VAV2: variants seen among roughly 807,000 people sequenced by gnomAD.
The protein encoded by VAV2 is vav guanine nucleotide exchange factor 2.
In VAV2, 67 loss-of-function variants were observed where a neutral mutation model predicts 132.5. The observed-to-expected ratio is 0.51, with a 90% CI of 0.42 to 0.62. The LOEUF is 0.62. Among genes scored for constraint, VAV2 ranks in the 20% least tolerant of loss-of-function variants. VAV2 has a pLI of 0.00. For missense variants in VAV2, 938 were observed against 1,153.6 expected, an observed-to-expected ratio of 0.81 and a Z score of 2.71; for synonymous variants, 492 against 443.5, an observed-to-expected ratio of 1.11 and a Z score of -1.37.
At position 133,806,854 on chromosome 9, in the gene VAV2, C is replaced by G. The variant is rs55764491; in HGVS notation, c.735+404G>C. Among the ~76,000 whole-genome samples the G allele has an allele frequency of 4.9e-4, 74 of 152,386 alleles. No homozygotes were observed. In the East Asian group the frequency reaches 0.013, roughly 27 times the overall value. On this transcript the variant is annotated intron_variant, in intron 8 of 29. Transcript: ENST00000371850. ...TGGTGCCAGCGCCCTGCTCTGCTAA[C>G]CACGTCTAGGTGACTCTTTGCATGG...
chr9:133,923,412 C>T lies in VAV2; in HGVS notation c.321+15691G>A, dbSNP rs146229303. Among the ~76,000 whole-genome samples, 441 of 152,228 alleles carry T rather than the reference C, an allele frequency of 2.9e-3. 3 individuals carry two copies. Among genetic ancestry groups the T allele is most frequent in the African/African-American group, 0.01 (419 of 41,526 alleles). On this transcript the variant is annotated intron_variant, in intron 2 of 29. Coordinates refer to ENST00000371850, the MANE Select transcript of VAV2 (RefSeq NM_001134398.2). The stretch of plus-strand genomic sequence containing the variant: ...AGAAAATGCTCATCGTCACTGGTCA[C>T]GAGAGAAACGCAAATCAAAACCACA...
chr9:133,931,024 T>C (rs1231844489), intron 2 of VAV2, among the ~76,000 whole-genome samples: 1 of 152,234 alleles, frequency 6.6e-6, no homozygotes, highest in Non-Finnish European at 1.5e-5. Flanking sequence ...AGCGATTTCC[T>C]CTGGGAAGGT....
At chr9:133,871,993 A>C (rs1838073728) in intron 2 of VAV2, among the ~76,000 whole-genome samples, 1 of 152,184 alleles carries the variant, frequency 6.6e-6, no homozygotes, top group African/African-American at 2.4e-5. Context: ...ACTGGGAATG[A>C]AATGTTGGGA....
In VAV2 at chr9:133,844,064, T is replaced by C. The variant is rs564960671; in HGVS notation, c.381-9724A>G. Reference sequence around the variant, plus strand: ...AATCCAGCGAGGCTGTTTCTGCCCCTGTTTCCAGAACCTCGGCAAGGCAGA... The same window carrying C: ...AATCCAGCGAGGCTGTTTCTGCCCCCGTTTCCAGAACCTCGGCAAGGCAGA... On this transcript the variant is annotated intron_variant, in intron 3 of 29. Transcript: ENST00000371850. Among the ~76,000 whole-genome samples, 95 of 147,928 alleles carry C rather than the reference T, an allele frequency of 6.4e-4. 1 individual carries two copies. Among genetic ancestry groups the C allele is most frequent in the South Asian group, 3.7e-3 (18 of 4,802 alleles).
intron 3 of VAV2, among the ~76,000 whole-genome samples, chr9:133,841,806 CCAAGGGAGATGG>C (rs1483384118): frequency 6.6e-6 from 1 of 152,174 alleles, no homozygotes; most frequent in African/African-American, 2.4e-5. Flanking sequence ...ATTGCTAAGA[CCAAGGGAGATGG>C]TGCATAAGCC....
intron 23 of VAV2, 32 bp from the exon 24 acceptor site, chr9:133,776,112 C>T (rs766243962): frequency 9.9e-6 from 16 of 1,610,742 alleles, no homozygotes; most frequent in South Asian, 2.2e-5. Context: ...GTTAACGGCC[C>T]CCCAGGGCCA....
intron 4 of VAV2, among the ~76,000 whole-genome samples, chr9:133,822,144 G>A (rs1478846555): frequency 6.6e-6 from 1 of 150,856 alleles, no homozygotes; most frequent in Non-Finnish European, 1.5e-5. Flanking sequence ...AGAGGCCATT[G>A]CCCCCGCCGC....
chr9:133,867,543 C>T (rs1397200352), intron 2 of VAV2, among the ~76,000 whole-genome samples: 1 of 152,232 alleles, frequency 6.6e-6, no homozygotes, highest in Non-Finnish European at 1.5e-5. Context: ...TGGAGGGAAT[C>T]TCCCTTTCCA....
rs951482556 is a variant in VAV2, at chr9:133,943,341, C to T, written c.205-4122G>A. 3.3e-5 allele frequency among the ~76,000 whole-genome samples: 5 copies of T among 152,328 alleles called. No individual in the cohort carries two copies. The East Asian group carries it at 5.8e-4, about 18-fold the overall frequency. On this transcript the variant is annotated intron_variant, in intron 1 of 29. Coordinates refer to ENST00000371850, the MANE Select transcript of VAV2 (RefSeq NM_001134398.2). The stretch of plus-strand genomic sequence containing the variant: ...TGGCCACAGGGGCCCACTGAGGACA[C>T]AGGCCGAGGGACAGTGGCAAAGGGA...
At chr9:133,970,161 C>T (rs372394547) in intron 1 of VAV2, among the ~76,000 whole-genome samples, 142 of 152,246 alleles carry the variant, frequency 9.3e-4, no homozygotes, top group African/African-American at 3.3e-3. Flanking sequence ...AAGGAGAGAC[C>T]GAGTCTCAAC....
chr9:133,768,360 G>A lies in VAV2; in HGVS notation c.2589+82C>T, dbSNP rs1227888180. On this transcript the variant is annotated intron_variant, in intron 29 of 29. Coordinates refer to ENST00000371850, the MANE Select transcript of VAV2 (RefSeq NM_001134398.2). This position sits in a 1 kb window ranked among gnomAD's most constrained non-coding sequence, Gnocchi z 5.3. Reference sequence around the variant, plus strand: ...AACAGGGCCTGGGGTGTGGACATAGGTGTGGTGCTAGTCTGCCTGAGCCCG... The same window carrying A: ...AACAGGGCCTGGGGTGTGGACATAGATGTGGTGCTAGTCTGCCTGAGCCCG... 1.8e-5 allele frequency: 27 copies of A among 1,542,330 alleles called. No homozygotes were observed. Among genetic ancestry groups the A allele is most frequent in the Non-Finnish European group, 2.4e-5 (27 of 1,144,334 alleles).
At chr9:133,899,674 T>C (rs1839361591) in intron 2 of VAV2, among the ~76,000 whole-genome samples, 1 of 146,784 alleles carries the variant, frequency 6.8e-6, no homozygotes. Flanking sequence ...CCTCCCAAAG[T>C]GCTGGGATTA....
At chr9:133,903,678 C>T (rs548637599) in intron 2 of VAV2, among the ~76,000 whole-genome samples, 1 of 152,294 alleles carries the variant, frequency 6.6e-6, no homozygotes, top group South Asian at 2.1e-4. Context: ...CAAAGGTCTA[C>T]CCCTGCTCCT....
rs1442216337 is a variant in VAV2 at position 133,840,563 on chromosome 9, A to G, written c.381-6223T>C. On this transcript the variant is annotated intron_variant, in intron 3 of 29. Coordinates refer to ENST00000371850, the MANE Select transcript of VAV2 (RefSeq NM_001134398.2). This position sits in a 1 kb window ranked among gnomAD's most constrained non-coding sequence, Gnocchi z 4.5. Reference sequence around the variant, plus strand: ...TCACCAGCCAGAGGACACAGACCAGAAAACAGAACACCCTACAGGGGTGCC... The same window carrying G: ...TCACCAGCCAGAGGACACAGACCAGGAAACAGAACACCCTACAGGGGTGCC... 2.6e-5 allele frequency among the ~76,000 whole-genome samples: 4 copies of G among 152,160 alleles called. No homozygotes were observed. Among genetic ancestry groups the G allele is most frequent in the Non-Finnish European group, 2.9e-5 (2 of 68,026 alleles).
chr9:133,892,631 G>A (rs1399385351), intron 2 of VAV2, among the ~76,000 whole-genome samples: 2 of 152,114 alleles, frequency 1.3e-5, no homozygotes, highest in Non-Finnish European at 2.9e-5. Flanking sequence ...TGCCTGAATC[G>A]GGCGTCAGAG....
intron 1 of VAV2, among the ~76,000 whole-genome samples, chr9:133,981,459 G>C (rs2132291673): frequency 6.6e-6 from 1 of 152,326 alleles, no homozygotes; most frequent in Non-Finnish European, 1.5e-5. Flanking sequence ...GCTGCACTCT[G>C]CTCTGATGCT....
chr9:133,859,918 G>A (rs373590693), intron 3 of VAV2, among the ~76,000 whole-genome samples: 1 of 152,228 alleles, frequency 6.6e-6, no homozygotes, highest in Non-Finnish European at 1.5e-5. Flanking sequence ...AAAGTACTCA[G>A]GGTGCTGGGC....
intron 3 of VAV2, among the ~76,000 whole-genome samples, chr9:133,848,337 T>C (rs1837031581): frequency 6.6e-6 from 1 of 150,880 alleles, no homozygotes; most frequent in African/African-American, 2.4e-5. Flanking sequence ...GAAACAGTAT[T>C]TGAATTTTGA....
intron 1 of VAV2, among the ~76,000 whole-genome samples, chr9:133,944,260 T>G (rs961634119): frequency 2.0e-5 from 3 of 151,450 alleles, no homozygotes; most frequent in African/African-American, 7.3e-5. Context: ...TGCCCCTTAC[T>G]GGCAACGGGT....
Sources: allele counts gnomAD v4.1 joint callset (sites outside exome capture counted in the v4.1 genomes callset), GRCh38; gene constraint gnomAD v4.1.1; non-coding constraint Gnocchi (gnomAD v3.1); transcripts MANE v1.5; gene names NCBI Gene and HGNC (gene_info 2026-07-23, HGNC 2026-07-21).